ACER2: variants seen among roughly 807,000 people sequenced by gnomAD.
ACER2 encodes alkCDase 2.
A neutral mutation model predicts 34.7 loss-of-function variants in ACER2; 26 were observed. The ratio of observed to expected loss-of-function variants is 0.75; its 90% confidence interval spans 0.55 to 1.04. ACER2 has a LOEUF of 1.04. Among genes scored for constraint, ACER2 ranks in the 50% least tolerant of loss-of-function variants. The probability of loss-of-function intolerance (pLI) is 0.00; values close to 1 mark genes in which losing one functional copy is unlikely to be tolerated. For missense variants in ACER2, 352 were observed against 340.8 expected (o/e 1.03, Z -0.26); for synonymous variants, 138 against 132.1 (o/e 1.04, Z -0.31).
intron 1 of ACER2, among the ~76,000 whole-genome samples, chr9:19,409,560 CTG>C (rs770736764): frequency 2.0e-5 from 3 of 152,134 alleles, no homozygotes; most frequent in Non-Finnish European, 4.4e-5. Flanking sequence ...CCTGGGATCT[CTG>C]TGGCGTGACG....
At chr9:19,419,815 C>T (rs1270030099) in intron 1 of ACER2, among the ~76,000 whole-genome samples, 3 of 152,094 alleles carry the variant, frequency 2.0e-5, no homozygotes, top group African/African-American at 4.8e-5. Flanking sequence ...AAAAGGTACC[C>T]CTTTCTCCAT....
chr9:19,450,732 G>A lies in ACER2; in HGVS notation c.*96G>A, dbSNP rs1831543951. The A allele has an allele frequency of 2.4e-6, 3 of 1,232,510 alleles. No homozygotes were observed. The Admixed American group carries it at 7.3e-5, about 30-fold the overall frequency. The allele number at this position is 1,232,510 out of a possible 1,614,324, so 76.3% of individuals were successfully genotyped here. A position where few individuals can be genotyped will look rare whatever the true frequency, so the allele number is the denominator to read the frequency against. ...CCAAGGGAGTTCGAATAGTTGGGGT[G>A]TGGGCTATCTTTTCAAAAATCTATT... On this transcript the variant is annotated 3_prime_UTR_variant, in exon 6 of 6. Transcript: ENST00000340967.
chr9:19,434,908 C>A, intron 3 of ACER2, 39 bp from the exon 4 acceptor site: 1 of 1,605,310 alleles, frequency 6.2e-7, no homozygotes. Flanking sequence ...AACAAGAACT[C>A]CTTTTCTAAT....
At position 19,415,549 on chromosome 9, in the gene ACER2, A is replaced by G. The variant is rs115717809; in HGVS notation, c.108+6357A>G. ...ATAAATAAATAAAAATTAAAAATTA[A>G]AAAAAAGTTTTACATATCATAATTT... On this transcript the variant is annotated intron_variant, in intron 1 of 5. Transcript: ENST00000340967. Among the ~76,000 whole-genome samples the G allele has an allele frequency of 6.8e-3, 1,035 of 151,712 alleles. 15 individuals carry two copies. Among genetic ancestry groups the G allele is most frequent in the African/African-American group, 0.024 (992 of 41,308 alleles).
intron 5 of ACER2, among the ~76,000 whole-genome samples, chr9:19,449,890 TAAA>T (rs543959118): frequency 0.3 from 39,037 of 131,086 alleles, 5,730 homozygotes; most frequent in Middle Eastern, 0.4. Flanking sequence ...AGACTTCATT[TAAA>T]AAAAAAAAAA....
intron 4 of ACER2, among the ~76,000 whole-genome samples, chr9:19,442,054 A>T (rs529781061): frequency 6.6e-6 from 1 of 152,232 alleles, no homozygotes; most frequent in South Asian, 2.1e-4. Flanking sequence ...AAGTATTTCC[A>T]TTGTCTTTTC....
At chr9:19,413,705 G>A (rs1332097762) in intron 1 of ACER2, among the ~76,000 whole-genome samples, 2 of 152,112 alleles carry the variant, frequency 1.3e-5, no homozygotes, top group African/African-American at 4.8e-5. Flanking sequence ...GGCCTTTGGG[G>A]ACTCTGTTGC....
intron 3 of ACER2, among the ~76,000 whole-genome samples, chr9:19,425,206 C>T (rs999439792): frequency 2.0e-5 from 3 of 152,212 alleles, no homozygotes; most frequent in Admixed American, 1.3e-4. Flanking sequence ...AATCCAACTC[C>T]ACCAGTTTTA....
chr9:19,414,963 T>C (rs1830198807), intron 1 of ACER2, among the ~76,000 whole-genome samples: 1 of 152,148 alleles, frequency 6.6e-6, no homozygotes, highest in Non-Finnish European at 1.5e-5. Flanking sequence ...TTTTAAACCA[T>C]GACTGATTTG....
At chr9:19,450,206 T>A (rs1315718831) in intron 5 of ACER2, 2 of 985,284 alleles carry the variant, frequency 2.0e-6, no homozygotes, top group African/African-American at 3.5e-5. Flanking sequence ...TGCACATTTG[T>A]TCCTATTATC....
At chr9:19,445,551 C>T (rs1300109395) in intron 4 of ACER2, among the ~76,000 whole-genome samples, 2 of 152,204 alleles carry the variant, frequency 1.3e-5, no homozygotes, top group Non-Finnish European at 2.9e-5. Context: ...AAAAGGCTTA[C>T]TGAGTGACAT....
chr9:19,423,842 T>G lies in ACER2; in HGVS notation c.109-20T>G. On this transcript the variant is annotated intron_variant, in intron 1 of 5. Coordinates refer to ENST00000340967, the MANE Select transcript of ACER2 (RefSeq NM_001010887.3). ...TTTTACTTAATACTCATCTTTCTGTTTTACATTTTTTTCCTGCAGATCAGC... is the reference window on the plus strand; with the variant it reads ...TTTTACTTAATACTCATCTTTCTGTGTTACATTTTTTTCCTGCAGATCAGC... 6.3e-7 allele frequency: 1 copy of G among 1,590,320 alleles called. No homozygotes were observed. Among genetic ancestry groups the G allele is most frequent in the Non-Finnish European group, 8.6e-7 (1 of 1,158,872 alleles).
intron 4 of ACER2, among the ~76,000 whole-genome samples, chr9:19,444,194 C>CA (rs35885674): frequency 0.016 from 2,032 of 130,372 alleles, 43 homozygotes; most frequent in African/African-American, 0.05. Flanking sequence ...AAGAAAGTCG[C>CA]AAAAAAAAAA....
intron 5 of ACER2, 95 bp downstream of exon 5, chr9:19,446,513 G>A (rs1800282458): frequency 1.9e-6 from 3 of 1,576,524 alleles, no homozygotes; most frequent in African/African-American, 1.3e-5. Flanking sequence ...CAGGTGTCCT[G>A]TGGGTTGCTG....
rs1447441696 is a variant in ACER2 at position 19,452,335 on chromosome 9, C to T, written c.*1699C>T. On this transcript the variant is annotated 3_prime_UTR_variant, in exon 6 of 6. Transcript: ENST00000340967. ...TTTGTACCAGATCCAAGGTGAAAAC[C>T]CCAATAAGCAACTGAATTTAGAGTT... is the stretch of plus-strand genomic sequence containing the variant. Among the ~76,000 whole-genome samples, 2 of 152,048 alleles carry T rather than the reference C, an allele frequency of 1.3e-5. No individual in the cohort carries two copies. Among genetic ancestry groups the T allele is most frequent in the Admixed American group, 6.6e-5 (1 of 15,258 alleles).
At chr9:19,422,617 G>A (rs977222179) in intron 1 of ACER2, among the ~76,000 whole-genome samples, 2 of 152,052 alleles carry the variant, frequency 1.3e-5, no homozygotes, top group Admixed American at 1.3e-4. Context: ...TAGGCACAGG[G>A]GAAAAGGCTG....
intron 1 of ACER2, chr9:19,409,642 C>T (rs914693563): frequency 3.0e-6 from 2 of 663,954 alleles, no homozygotes; most frequent in African/African-American, 2.0e-5. Flanking sequence ...GCACGCCCCC[C>T]GCAGGTCCCC....
Position 19,441,255 on chromosome 9 carries a change from T to C in ACER2, c.504-5026T>C, listed in dbSNP as rs376253020. The stretch of plus-strand genomic sequence containing the variant: ...TAGTAGAGATGGGGTTTCACCATGT[T>C]AGCCAGGATGGTCTCAATCTGCTGA... On this transcript the variant is annotated intron_variant, in intron 4 of 5. Coordinates refer to ENST00000340967, the MANE Select transcript of ACER2 (RefSeq NM_001010887.3). Among the ~76,000 whole-genome samples the C allele has an allele frequency of 3.2e-4, 49 of 152,270 alleles. No homozygotes were observed. The East Asian group carries it at 4.2e-3, about 13-fold the overall frequency.
intron 5 of ACER2, among the ~76,000 whole-genome samples, chr9:19,449,843 G>A (rs542161170): frequency 6.9e-6 from 1 of 145,334 alleles, no homozygotes; most frequent in East Asian, 2.1e-4. Flanking sequence ...AGTGAGCCGA[G>A]ATTGCACCAT....
Sources: allele counts gnomAD v4.1 joint callset (sites outside exome capture counted in the v4.1 genomes callset), GRCh38; gene constraint gnomAD v4.1.1; transcripts MANE v1.5; gene names NCBI Gene and HGNC (gene_info 2026-07-23, HGNC 2026-07-21).